Variants in DTD1 observed in about 807,000 individuals in gnomAD.
DTD1 encodes the protein D-tyrosyl-tRNA deacylase 1 homolog.
DTD1 carries 13 observed loss-of-function variants against 25.6 expected under a neutral mutation model. The observed-to-expected ratio is 0.51, with a 90% CI of 0.33 to 0.81. The LOEUF (loss-of-function observed/expected upper bound fraction) is 0.81. Ranked by LOEUF, DTD1 falls within the 30% of genes least tolerant of loss-of-function variation. DTD1 has a pLI of 0.02. For missense variants in DTD1, 193 were observed against 266.4 expected, an observed-to-expected ratio of 0.72 and a Z score of 1.92; for synonymous variants, 110 against 103.6, an observed-to-expected ratio of 1.06 and a Z score of -0.37.
chr20:18,663,592 A>G (rs979752941), intron 4 of DTD1, among the ~76,000 whole-genome samples: 1 of 152,212 alleles, frequency 6.6e-6, no homozygotes, highest in East Asian at 1.9e-4. Flanking sequence ...TAGATACACA[A>G]ATACTTACCA....
chr20:18,749,396 T>G lies in DTD1; in HGVS notation c.*19+5125T>G, dbSNP rs1398165579. Among the ~76,000 whole-genome samples, 1 of 152,002 alleles carries G rather than the reference T, an allele frequency of 6.6e-6. No homozygotes were observed. Among genetic ancestry groups the G allele is most frequent in the Admixed American group, 6.6e-5 (1 of 15,262 alleles). ...GTGGAGGGTGTGGAGGAAAGCTGTG[T>G]TGGGTCTGTGGGCTGACTCTCGGTC... On this transcript the variant is annotated intron_variant, in intron 5 of 5. Transcript: ENST00000377452. This position sits in a 1 kb window ranked among gnomAD's most constrained non-coding sequence, Gnocchi z 4.2.
intron 4 of DTD1, among the ~76,000 whole-genome samples, chr20:18,681,672 G>T (rs548139568): frequency 3.9e-5 from 6 of 152,128 alleles, no homozygotes; most frequent in Non-Finnish European, 8.8e-5. Context: ...ATCCAGGGAA[G>T]TTATCCTTTA....
chr20:18,692,044 CCTTACTTACAA>C (rs1396101863), intron 4 of DTD1: 9 of 152,152 alleles, frequency 5.9e-5, no homozygotes, highest in African/African-American at 2.2e-4. Flanking sequence ...AAAATTAGCA[CCTTACTTACAA>C]CTTAGGGCAC....
intron 3 of DTD1, among the ~76,000 whole-genome samples, chr20:18,619,899 T>A (rs1169272798): frequency 6.6e-6 from 1 of 152,192 alleles, no homozygotes; most frequent in Non-Finnish European, 1.5e-5. Context: ...ACTAACTGAG[T>A]TTCTGGCTTT....
At chr20:18,761,261 A>G (rs907146412) in intron 5 of DTD1, among the ~76,000 whole-genome samples, 28 of 152,210 alleles carry the variant, frequency 1.8e-4, no homozygotes, top group African/African-American at 6.7e-4. Flanking sequence ...CCCCAGTGAG[A>G]TGAACCCTGT....
At chr20:18,741,121 A>G (rs2061276224) in intron 4 of DTD1, among the ~76,000 whole-genome samples, 1 of 152,236 alleles carries the variant, frequency 6.6e-6, no homozygotes, top group South Asian at 2.1e-4. Flanking sequence ...AACAAAACTG[A>G]GACGGCATCT....
intron 2 of DTD1, among the ~76,000 whole-genome samples, chr20:18,594,036 C>T (rs552092933): frequency 6.6e-5 from 10 of 152,266 alleles, no homozygotes; most frequent in South Asian, 2.1e-4. Context: ...GCAGGAGCAC[C>T]GCCTGTCCCC....
intron 4 of DTD1, among the ~76,000 whole-genome samples, chr20:18,664,274 A>C (rs961822567): frequency 1.3e-5 from 2 of 152,094 alleles, no homozygotes; most frequent in African/African-American, 4.8e-5. Context: ...TTTTCCAAAA[A>C]TTTTTACTGT....
At chr20:18,671,232 A>G (rs1272248014) in intron 4 of DTD1, among the ~76,000 whole-genome samples, 1 of 152,198 alleles carries the variant, frequency 6.6e-6, no homozygotes, top group Non-Finnish European at 1.5e-5. Context: ...ATTACAGTTT[A>G]AATTTTGTTC....
At chr20:18,632,640 A>G (rs1238074455) in intron 4 of DTD1, 9 of 984,092 alleles carry the variant, frequency 9.1e-6, no homozygotes, top group Non-Finnish European at 1.1e-5. Flanking sequence ...ATCAGTAATG[A>G]AAACTGCTAC....
chr20:18,729,340 A>G (rs776492820), intron 4 of DTD1, among the ~76,000 whole-genome samples: 7 of 152,244 alleles, frequency 4.6e-5, no homozygotes, highest in African/African-American at 7.2e-5. Flanking sequence ...ATTTCTTTTC[A>G]GAAGTAAATG....
At chr20:18,689,321 G>C (rs962321103) in intron 4 of DTD1, among the ~76,000 whole-genome samples, 2 of 152,092 alleles carry the variant, frequency 1.3e-5, no homozygotes, top group Non-Finnish European at 2.9e-5. Context: ...AATTTTAAGG[G>C]GGTATATGGA....
chr20:18,629,296 CTTT>C (rs35174616), intron 4 of DTD1, among the ~76,000 whole-genome samples: 62 of 69,240 alleles, frequency 9.0e-4, no homozygotes, highest in Non-Finnish European at 1.2e-3. Flanking sequence ...TGTGCTCGGC[CTTT>C]TTTTTTTTTT....
Position 18,764,826 on chromosome 20 carries a change from C to T in DTD1, c.*1486C>T, listed in dbSNP as rs1446966158. 1 of 152,184 alleles carries T rather than the reference C, an allele frequency of 6.6e-6. No homozygotes were observed. The allele number at this position is 152,184 out of a possible 1,614,324, so 9.4% of individuals were successfully genotyped here. ...AGCTCTGCTGTTTGAGTTATCTAAGCAGGGTTTTACAGAGTGAATTCAAAT... is the reference window on the plus strand; with the variant it reads ...AGCTCTGCTGTTTGAGTTATCTAAGTAGGGTTTTACAGAGTGAATTCAAAT... On this transcript the variant is annotated 3_prime_UTR_variant, in exon 6 of 6. Transcript: ENST00000377452.
At chr20:18,697,414 G>T (rs2122451916) in intron 4 of DTD1, among the ~76,000 whole-genome samples, 1 of 152,210 alleles carries the variant, frequency 6.6e-6, no homozygotes, top group South Asian at 2.1e-4. Flanking sequence ...ACCATTTTCA[G>T]TGAGGGTGAC....
intron 4 of DTD1, among the ~76,000 whole-genome samples, chr20:18,713,004 G>A (rs1350894706): frequency 1.3e-5 from 2 of 152,228 alleles, no homozygotes; most frequent in Non-Finnish European, 2.9e-5. Context: ...TCCCTCCCCT[G>A]TCCTGGGTTT....
intron 3 of DTD1, among the ~76,000 whole-genome samples, chr20:18,627,659 C>T (rs532391031): frequency 2.0e-4 from 30 of 152,274 alleles, no homozygotes; most frequent in Non-Finnish European, 2.9e-5. Flanking sequence ...CCACTGTGAC[C>T]CGGGTTTTGG....
At chr20:18,697,066 C>T (rs1054534107) in intron 4 of DTD1, among the ~76,000 whole-genome samples, 4 of 151,694 alleles carry the variant, frequency 2.6e-5, no homozygotes, top group East Asian at 3.9e-4. Context: ...CCCGCCTCTA[C>T]TAAAAATACA....
chr20:18,597,620 T>C (rs1361703752), intron 3 of DTD1, among the ~76,000 whole-genome samples: 2 of 152,206 alleles, frequency 1.3e-5, no homozygotes, highest in Non-Finnish European at 1.5e-5. Flanking sequence ...TAAATGGAAT[T>C]ATATAATGTG....
Sources: gnomAD v4.1 joint callset for allele counts (sites outside exome capture counted in the v4.1 genomes callset) on GRCh38, gnomAD v4.1.1 for gene constraint, Gnocchi (gnomAD v3.1) non-coding constraint, MANE v1.5 for transcripts, NCBI Gene and HGNC (gene_info 2026-07-23, HGNC 2026-07-21) for gene names.